Variants in LINGO2 observed in about 807,000 individuals in gnomAD.
LINGO2 encodes leucine rich repeat and Ig domain containing 2, also known as leucine-rich repeat and immunoglobulin-like domain-containing nogo receptor-interacting protein 2.
Under a neutral mutation model 30.6 loss-of-function variants are expected in LINGO2, and 14 were observed. The ratio of observed to expected loss-of-function variants is 0.46; its 90% CI spans 0.30 to 0.72. The LOEUF (loss-of-function observed/expected upper bound fraction) is 0.72. Ranked by LOEUF, LINGO2 falls within the 30% of genes least tolerant of loss-of-function variation. The pLI is 0.07. For synonymous variants in LINGO2, 317 were observed against 288.5 expected, an observed-to-expected ratio of 1.10 and a Z score of -1.00; for missense variants, 729 against 751.7, an observed-to-expected ratio of 0.97 and a Z score of 0.35.
At chr9:29,097,350 T>C in the LINGO2 span, among the ~76,000 whole-genome samples, 38 of 138,556 alleles carry the variant, frequency 2.7e-4, 3 homozygotes, top group Admixed American at 2.6e-3. Flanking sequence ...TAAAATTATA[T>C]CTGTATTTTA....
intron 1 of LINGO2, among the ~76,000 whole-genome samples, chr9:28,503,922 G>A (rs1038968581): frequency 6.6e-6 from 1 of 151,836 alleles, no homozygotes; most frequent in Non-Finnish European, 1.5e-5. Context: ...ATTAGGAAAG[G>A]TAGAACAAGA....
chr9:27,948,875 C>A, exon 6 of LINGO2: 2 of 1,611,800 alleles, frequency 1.2e-6, no homozygotes, highest in Non-Finnish European at 1.7e-6. Context: ...TGTTGAACCT[C>A]CTGGGTCCAG....
rs192976958 is a variant in LINGO2, at chr9:28,652,684, T to A, written c.-365+17516A>T. ...GTGAGTTTGGTGTTTCCTTCTTATC[T>A]AGTAAGACATGTTGCTGAAATCCCA... On this transcript the variant is annotated intron_variant, in intron 1 of 5. Coordinates refer to ENST00000379992, the Ensembl canonical transcript of LINGO2. Among the ~76,000 whole-genome samples the A allele has an allele frequency of 2.0e-5, 3 of 151,600 alleles. No individual in the cohort carries two copies. The East Asian group carries it at 5.8e-4, about 29-fold the overall frequency.
chr9:27,981,344 G>A lies in LINGO2; in HGVS notation c.-35-30638C>T, dbSNP rs535058189. 2.9e-4 allele frequency among the ~76,000 whole-genome samples: 44 copies of A among 151,212 alleles called. No individual in the cohort carries two copies. In the South Asian group the frequency reaches 9.2e-3, roughly 32 times the overall value. ...GAAAATCGAGGCAGAAAACAGCTAG[G>A]TAACTTTCCCCTTATCACACAGATA... On this transcript the variant is annotated intron_variant, in intron 5 of 5. Transcript: ENST00000379992.
chr9:28,499,649 T>A (rs1253496465), intron 1 of LINGO2, among the ~76,000 whole-genome samples: 1 of 152,218 alleles, frequency 6.6e-6, no homozygotes, highest in Non-Finnish European at 1.5e-5. Flanking sequence ...GATACACTTC[T>A]GAAAATTAAA....
Position 28,058,891 on chromosome 9 carries a change from T to A in LINGO2, c.-86-46486A>T, listed in dbSNP as rs920773948. On this transcript the variant is annotated intron_variant, in intron 4 of 5. Coordinates refer to ENST00000379992, the Ensembl canonical transcript of LINGO2. Reference sequence around the variant, plus strand: ...GTTAAAACTTTGCATTTTTCTTAGGTATGAACACTTGTACATGCATGCAAT... The same window carrying A: ...GTTAAAACTTTGCATTTTTCTTAGGAATGAACACTTGTACATGCATGCAAT... Among the ~76,000 whole-genome samples, 3 of 152,190 alleles carry A rather than the reference T, an allele frequency of 2.0e-5. No homozygotes were observed. In the South Asian group the frequency reaches 6.2e-4, roughly 32 times the overall value.
the LINGO2 span, among the ~76,000 whole-genome samples, chr9:29,184,566 C>A: frequency 6.6e-6 from 1 of 152,064 alleles, no homozygotes; most frequent in Non-Finnish European, 1.5e-5. Flanking sequence ...ATACATCTCC[C>A]AATTTAGGTA....
intron 3 of LINGO2, among the ~76,000 whole-genome samples, chr9:28,365,207 G>A (rs1327318972): frequency 2.0e-5 from 3 of 152,034 alleles, no homozygotes; most frequent in Admixed American, 1.3e-4. Context: ...GGATGATGGC[G>A]GGAAAGGGCA....
rs1821520355 is a variant in LINGO2 at position 27,993,853 on chromosome 9, TTC to T, written c.-36+18500_-36+18501del. Among the ~76,000 whole-genome samples the T allele has an allele frequency of 3.3e-5, 5 of 152,190 alleles. 1 individual carries two copies. The highest frequency in any genetic ancestry group is 4.1e-4 in the South Asian group (2 of 4,822). On this transcript the variant is annotated intron_variant, in intron 5 of 5. Transcript: ENST00000379992. ...TTATCCAACTGCTGCTGAATATGCATTCTTTTTGTGAGCACCTGGAACATTTT... is the reference window on the plus strand; with the variant it reads ...TTATCCAACTGCTGCTGAATATGCATTTTTTGTGAGCACCTGGAACATTTT...
At chr9:28,239,566 A>G (rs1821702929) in intron 4 of LINGO2, among the ~76,000 whole-genome samples, 1 of 152,176 alleles carries the variant, frequency 6.6e-6, no homozygotes, top group Non-Finnish European at 1.5e-5. Context: ...GCTGAAAAGC[A>G]TTTGATAAAG....
At chr9:28,624,923 C>A (rs1035636981) in intron 1 of LINGO2, among the ~76,000 whole-genome samples, 2 of 151,446 alleles carry the variant, frequency 1.3e-5, no homozygotes, top group African/African-American at 2.4e-5. Flanking sequence ...TTGTTGCTGC[C>A]AGCTGCATTG....
At chr9:29,146,094 TA>T in the LINGO2 span, among the ~76,000 whole-genome samples, 4 of 152,050 alleles carry the variant, frequency 2.6e-5, no homozygotes, top group African/African-American at 7.2e-5. Context: ...TGGTAAGGTA[TA>T]AAAAAATGAA....
chr9:28,856,068 T>C, the LINGO2 span, among the ~76,000 whole-genome samples: 2 of 151,954 alleles, frequency 1.3e-5, no homozygotes, highest in Admixed American at 1.3e-4. Flanking sequence ...CCTGGCAATA[T>C]TCCTGCTACA....
At chr9:27,945,329 T>C (rs1823323137), downstream of LINGO2, among the ~76,000 whole-genome samples, 1 of 152,184 alleles carries the variant, frequency 6.6e-6, no homozygotes, top group Non-Finnish European at 1.5e-5. Flanking sequence ...AATCATTTTT[T>C]AAAGAGTCAC....
At chr9:27,947,653 T>C (rs1823419298), downstream of LINGO2, among the ~76,000 whole-genome samples, 1 of 152,234 alleles carries the variant, frequency 6.6e-6, no homozygotes, top group Admixed American at 6.5e-5. Flanking sequence ...AGAGTGGCAG[T>C]AGCTAGATGT....
At chr9:28,206,624 T>C (rs1273912161) in intron 4 of LINGO2, among the ~76,000 whole-genome samples, 4 of 152,218 alleles carry the variant, frequency 2.6e-5, no homozygotes, top group Admixed American at 2.6e-4. Context: ...AGTTTACTTA[T>C]GTACTTAATA....
the LINGO2 span, among the ~76,000 whole-genome samples, chr9:28,935,459 T>C: frequency 1.3e-5 from 2 of 152,170 alleles, no homozygotes; most frequent in African/African-American, 2.4e-5. Context: ...GAAGAAGCAA[T>C]TTAAAAGTTA....
chr9:27,942,854 T>G, the LINGO2 span: 4 of 151,470 alleles, frequency 2.6e-5, no homozygotes, highest in Non-Finnish European at 5.9e-5. Flanking sequence ...ATTTGGGGTA[T>G]TCTATACCAC....
intron 1 of LINGO2, among the ~76,000 whole-genome samples, chr9:28,501,186 A>G (rs1179723601): frequency 6.6e-6 from 1 of 152,186 alleles, no homozygotes; most frequent in Non-Finnish European, 1.5e-5. Context: ...ATAAAAATGC[A>G]CTTGAAGTAT....
Sources: gnomAD v4.1 joint callset for allele counts (sites outside exome capture counted in the v4.1 genomes callset) on GRCh38, gnomAD v4.1.1 for gene constraint, MANE v1.5 for transcripts, NCBI Gene and HGNC (gene_info 2026-07-23, HGNC 2026-07-21) for gene names.